DLG2: variants seen among roughly 807,000 people sequenced by gnomAD.
DLG2 encodes discs large MAGUK scaffold protein 2.
In DLG2, 45 loss-of-function variants were observed where a neutral mutation model predicts 132.5. The observed-to-expected ratio is 0.34, with a 90% CI of 0.27 to 0.44. The LOEUF is 0.44. DLG2 is among the 20% of genes least tolerant of loss of function. The pLI, the probability that DLG2 is intolerant of heterozygous loss-of-function variation, is 1.00. For missense variants in DLG2, 1,045 were observed against 1,196.9 expected (o/e 0.87, Z 1.87); for synonymous variants, 424 against 419.6 (o/e 1.01, Z -0.13).
chr11:85,274,694 A>G (rs1353547724), intron 4 of DLG2, among the ~76,000 whole-genome samples: 2 of 152,190 alleles, frequency 1.3e-5, no homozygotes, highest in African/African-American at 4.8e-5. Flanking sequence ...GTGGGTCATA[A>G]AAACACAACC....
chr11:83,559,918 A>G (rs191067611), intron 19 of DLG2, among the ~76,000 whole-genome samples: 242 of 152,292 alleles, frequency 1.6e-3, no homozygotes, highest in African/African-American at 5.0e-3. Flanking sequence ...TAGAGCTGCC[A>G]TACTCACCCT....
chr11:84,078,172 AAAGTT>A (rs1408455796), intron 10 of DLG2, among the ~76,000 whole-genome samples: 8 of 152,302 alleles, frequency 5.3e-5, no homozygotes, highest in Admixed American at 3.3e-4. Context: ...AATATGAATT[AAAGTT>A]AAGAGTAAGA....
chr11:85,620,233 A>G (rs867438859), intron 2 of DLG2, among the ~76,000 whole-genome samples: 15 of 152,186 alleles, frequency 9.9e-5, no homozygotes, highest in African/African-American at 3.4e-4. Context: ...TCATACCCAC[A>G]TAAGACAGCA....
chr11:84,612,789 TA>T (rs1158532330), intron 6 of DLG2, among the ~76,000 whole-genome samples: 1 of 152,198 alleles, frequency 6.6e-6, no homozygotes, highest in Non-Finnish European at 1.5e-5. Flanking sequence ...CTTCATAAGA[TA>T]ATTTTTATTG....
At chr11:83,914,218 A>T (rs1033384354) in intron 15 of DLG2, among the ~76,000 whole-genome samples, 4 of 151,938 alleles carry the variant, frequency 2.6e-5, no homozygotes, top group African/African-American at 9.7e-5. Flanking sequence ...GTGAGTTTTC[A>T]CTGTTAGTTC....
chr11:83,546,938 C>T (rs1177385304), intron 19 of DLG2, among the ~76,000 whole-genome samples: 3 of 152,134 alleles, frequency 2.0e-5, no homozygotes, highest in African/African-American at 4.8e-5. Flanking sequence ...GTCATGCCAT[C>T]TATCAAGTGA....
intron 12 of DLG2, among the ~76,000 whole-genome samples, chr11:83,966,047 T>C (rs1000450890): frequency 2.0e-5 from 3 of 152,038 alleles, no homozygotes; most frequent in African/African-American, 7.2e-5. Context: ...TGCTTCTAAT[T>C]TTTTAAAACT....
At chr11:84,179,683 G>C (rs2096066698) in intron 8 of DLG2, among the ~76,000 whole-genome samples, 1 of 152,112 alleles carries the variant, frequency 6.6e-6, no homozygotes, top group Admixed American at 6.6e-5. Flanking sequence ...AGAGCATTCA[G>C]TGCTTCTTAA....
At chr11:85,454,565 G>A (rs548377276) in intron 3 of DLG2, among the ~76,000 whole-genome samples, 106 of 151,972 alleles carry the variant, frequency 7.0e-4, no homozygotes, top group Non-Finnish European at 1.4e-3. Flanking sequence ...TATTATTTTT[G>A]TTGCAATTGC....
chr11:85,276,531 C>A (rs1188437856), intron 4 of DLG2, among the ~76,000 whole-genome samples: 3 of 152,042 alleles, frequency 2.0e-5, no homozygotes, highest in Non-Finnish European at 2.9e-5. Flanking sequence ...AACTGTATGA[C>A]ATCATTTTAG....
chr11:83,766,281 G>T (rs1217184669), intron 18 of DLG2, among the ~76,000 whole-genome samples: 1 of 151,942 alleles, frequency 6.6e-6, no homozygotes, highest in Non-Finnish European at 1.5e-5. Flanking sequence ...TTTTAGTACA[G>T]ATGGGGTTTC....
rs1349966264 is a variant in DLG2 at position 83,665,894 on chromosome 11, T to TA, written c.1826-32570dup. 5.3e-5 allele frequency among the ~76,000 whole-genome samples: 8 copies of TA among 152,268 alleles called. No homozygotes were observed. In the East Asian group the frequency reaches 1.5e-3, roughly 29 times the overall value. On this transcript the variant is annotated intron_variant, in intron 18 of 27. Transcript: ENST00000376104. ...AGGAGTCAAAAACACGAAGAAGTGA[T>TA]ATATACAAGGGTGCATGGGAATTGG...
At chr11:85,217,314 T>TCACACA (rs764728080) in intron 4 of DLG2, among the ~76,000 whole-genome samples, 58 of 22,112 alleles carry the variant, frequency 2.6e-3, no homozygotes, top group African/African-American at 4.5e-3. Context: ...ATTCTCTCTC[T>TCACACA]CTCTCACACA....
At chr11:85,355,297 T>C (rs1389494335) in intron 3 of DLG2, among the ~76,000 whole-genome samples, 1 of 152,190 alleles carries the variant, frequency 6.6e-6, no homozygotes, top group African/African-American at 2.4e-5. Context: ...TGGAAAATGA[T>C]CTGTTAATTA....
chr11:85,114,212 T>G (rs2073200874), intron 5 of DLG2, among the ~76,000 whole-genome samples: 1 of 151,954 alleles, frequency 6.6e-6, no homozygotes, highest in Non-Finnish European at 1.5e-5. Context: ...ATGTGTACAC[T>G]GTGGCATAAC....
chr11:84,099,393 A>G (rs2092196453), intron 9 of DLG2, among the ~76,000 whole-genome samples: 1 of 152,172 alleles, frequency 6.6e-6, no homozygotes, highest in African/African-American at 2.4e-5. Context: ...AAAATTATAC[A>G]TTTATATGAA....
intron 6 of DLG2, among the ~76,000 whole-genome samples, chr11:84,896,969 A>G (rs1377032028): frequency 1.3e-5 from 2 of 151,832 alleles, no homozygotes; most frequent in Admixed American, 1.3e-4. Context: ...ACTACTGTAC[A>G]TACAATTTTT....
chr11:85,604,852 T>C (rs1268757985), intron 2 of DLG2, among the ~76,000 whole-genome samples: 1 of 152,218 alleles, frequency 6.6e-6, no homozygotes, highest in African/African-American at 2.4e-5. Flanking sequence ...CAGAAAGTTA[T>C]AAATAATTTG....
intron 21 of DLG2, among the ~76,000 whole-genome samples, chr11:83,515,893 T>G (rs4584604): frequency 0.21 from 31,717 of 152,114 alleles, 3,513 homozygotes; most frequent in African/African-American, 0.22. Flanking sequence ...TGAGGGACAG[T>G]TTGTTATAAT....
Sources: gnomAD v4.1 joint callset for allele counts (sites outside exome capture counted in the v4.1 genomes callset) on GRCh38, gnomAD v4.1.1 for gene constraint, MANE v1.5 for transcripts, NCBI Gene and HGNC (gene_info 2026-07-23, HGNC 2026-07-21) for gene names.